ACSS3: variants seen among roughly 807,000 people sequenced by gnomAD.
ACSS3 encodes the protein acyl-CoA synthetase short-chain family member 3, mitochondrial.
Under a neutral mutation model 84.2 loss-of-function variants are expected in ACSS3, and 64 were observed. The ratio of observed to expected loss-of-function variants is 0.76; its 90% CI spans 0.62 to 0.94. The LOEUF (loss-of-function observed/expected upper bound fraction) is 0.94, where lower values mean the gene tolerates loss of function less well. ACSS3 is among the 40% of genes least tolerant of loss of function. The pLI is 0.00. For synonymous variants in ACSS3, 317 were observed against 310.1 expected, an observed-to-expected ratio of 1.02 and a Z score of -0.23; for missense variants, 815 against 867.6, an observed-to-expected ratio of 0.94 and a Z score of 0.76.
intron 2 of ACSS3, among the ~76,000 whole-genome samples, chr12:81,122,972 C>A (rs1044301444): frequency 6.6e-6 from 1 of 152,030 alleles, no homozygotes; most frequent in Non-Finnish European, 1.5e-5. Flanking sequence ...ATATATCTAT[C>A]AATGGTACTT....
At chr12:81,120,798 G>C (rs965103452) in intron 2 of ACSS3, among the ~76,000 whole-genome samples, 44 of 152,114 alleles carry the variant, frequency 2.9e-4, no homozygotes, top group African/African-American at 1.1e-3. Flanking sequence ...AGAGACCTTG[G>C]AGATATTGAC....
At chr12:81,161,564 T>A (rs1278163496) in intron 7 of ACSS3, among the ~76,000 whole-genome samples, 2 of 152,202 alleles carry the variant, frequency 1.3e-5, no homozygotes, top group African/African-American at 4.8e-5. Context: ...TACTGAATGC[T>A]TTTTCTTAAA....
At chr12:81,170,054 G>C (rs1051250588) in intron 7 of ACSS3, among the ~76,000 whole-genome samples, 4 of 152,062 alleles carry the variant, frequency 2.6e-5, no homozygotes, top group African/African-American at 9.7e-5. Flanking sequence ...TCAGTGTCTG[G>C]GAAATCACAA....
At chr12:81,103,714 G>T (rs929367826) in intron 1 of ACSS3, among the ~76,000 whole-genome samples, 3 of 151,448 alleles carry the variant, frequency 2.0e-5, no homozygotes, top group Non-Finnish European at 4.4e-5. Context: ...TTGTCTAAAG[G>T]TACTTTTAAA....
chr12:81,091,676 A>C (rs1881677588), intron 1 of ACSS3, among the ~76,000 whole-genome samples: 1 of 152,088 alleles, frequency 6.6e-6, no homozygotes, highest in Non-Finnish European at 1.5e-5. Flanking sequence ...GGGTTTTAAA[A>C]AATTAAATAT....
chr12:81,253,977 T>C (rs919480508), intron 15 of ACSS3, among the ~76,000 whole-genome samples: 7 of 152,170 alleles, frequency 4.6e-5, no homozygotes, highest in Non-Finnish European at 8.8e-5. Flanking sequence ...CAGGCTGTAG[T>C]GCAGTGGTAC....
chr12:81,220,937 G>T (rs1374078140), intron 11 of ACSS3, among the ~76,000 whole-genome samples: 1 of 151,782 alleles, frequency 6.6e-6, no homozygotes, highest in Non-Finnish European at 1.5e-5. Flanking sequence ...TCTGATAATA[G>T]CAATAGTATT....
At position 81,219,172 on chromosome 12, in the gene ACSS3, G is replaced by C. The variant is rs554467610; in HGVS notation, c.1451-841G>C. Reference sequence around the variant, plus strand: ...TGGGGCATATAGTGATTTGGCCACTGTACTGAGATTTAGGGAAACAAAGAT... The same window carrying C: ...TGGGGCATATAGTGATTTGGCCACTCTACTGAGATTTAGGGAAACAAAGAT... On this transcript the variant is annotated intron_variant, in intron 10 of 15. Coordinates refer to ENST00000548058, the MANE Select transcript of ACSS3 (RefSeq NM_024560.4). 5.3e-5 allele frequency among the ~76,000 whole-genome samples: 8 copies of C among 152,214 alleles called. No homozygotes were observed. The East Asian group carries it at 7.7e-4, about 15-fold the overall frequency.
At chr12:81,147,097 C>A (rs1431992834) in intron 5 of ACSS3, among the ~76,000 whole-genome samples, 4 of 152,016 alleles carry the variant, frequency 2.6e-5, no homozygotes, top group African/African-American at 9.7e-5. Context: ...CTGGTTGCAC[C>A]CTTGCCCCTT....
chr12:81,243,299 C>T (rs2033872574), intron 13 of ACSS3, among the ~76,000 whole-genome samples: 1 of 152,154 alleles, frequency 6.6e-6, no homozygotes, highest in Non-Finnish European at 1.5e-5. Flanking sequence ...ATCCAGCTTA[C>T]AACGGACGTG....
At chr12:81,122,969 T>C (rs1565988981) in intron 2 of ACSS3, among the ~76,000 whole-genome samples, 2 of 152,168 alleles carry the variant, frequency 1.3e-5, no homozygotes, top group Admixed American at 6.5e-5. Flanking sequence ...TCTATATATC[T>C]ATCAATGGTA....
At chr12:81,132,497 C>T (rs1013265940) in intron 2 of ACSS3, among the ~76,000 whole-genome samples, 2 of 151,742 alleles carry the variant, frequency 1.3e-5, no homozygotes, top group South Asian at 2.1e-4. Context: ...TTTTTTATTG[C>T]GTCTATTTGA....
chr12:81,217,093 T>G (rs948973481), intron 10 of ACSS3, 97 bp downstream of exon 10: 3 of 906,372 alleles, frequency 3.3e-6, no homozygotes, highest in African/African-American at 3.3e-5. Flanking sequence ...AGGGGCTTAA[T>G]TAGAATCTGG....
intron 1 of ACSS3, among the ~76,000 whole-genome samples, chr12:81,103,550 A>G (rs543071898): frequency 6.6e-6 from 1 of 152,218 alleles, no homozygotes; most frequent in South Asian, 2.1e-4. Flanking sequence ...AGCTTAGCCA[A>G]TTTATATTGG....
intron 2 of ACSS3, among the ~76,000 whole-genome samples, chr12:81,132,486 AT>A (rs1885568510): frequency 6.6e-6 from 1 of 152,000 alleles, no homozygotes; most frequent in South Asian, 2.1e-4. Flanking sequence ...CCCCTTTATC[AT>A]TTTTTATTGC....
chr12:81,094,926 G>C (rs751991931), intron 1 of ACSS3, among the ~76,000 whole-genome samples: 43 of 152,114 alleles, frequency 2.8e-4, no homozygotes, highest in Admixed American at 5.9e-4. Context: ...CTCCTCCCCT[G>C]CATCGTGCTG....
At chr12:81,242,965 G>C (rs2033858868) in intron 13 of ACSS3, among the ~76,000 whole-genome samples, 1 of 152,002 alleles carries the variant, frequency 6.6e-6, no homozygotes. Context: ...GGGATGCCCT[G>C]TCTCACCACT....
intron 7 of ACSS3, among the ~76,000 whole-genome samples, chr12:81,160,310 C>A: frequency 6.6e-6 from 1 of 152,146 alleles, no homozygotes; most frequent in East Asian, 1.9e-4. Context: ...TCAATAAATT[C>A]TTCAGTATGT....
intron 8 of ACSS3, among the ~76,000 whole-genome samples, chr12:81,184,373 C>T (rs976035114): frequency 2.0e-5 from 3 of 151,676 alleles, no homozygotes; most frequent in East Asian, 1.9e-4. Context: ...TAACATTACC[C>T]CTCAAGGAAT....
Sources: gnomAD v4.1 joint callset for allele counts (sites outside exome capture counted in the v4.1 genomes callset) on GRCh38, gnomAD v4.1.1 for gene constraint, MANE v1.5 for transcripts, NCBI Gene and HGNC (gene_info 2026-07-23, HGNC 2026-07-21) for gene names.